Variants in NUAK1 observed in about 807,000 individuals in gnomAD.
The protein encoded by NUAK1 is NUAK family SNF1-like kinase 1.
In NUAK1, 26 loss-of-function variants were observed where a neutral mutation model predicts 56.9. The observed-to-expected ratio is 0.46, with a 90% CI of 0.33 to 0.63. The LOEUF is 0.63. Ranked by LOEUF, NUAK1 falls within the 30% of genes least tolerant of loss-of-function variation. NUAK1 has a pLI of 0.02. For missense variants in NUAK1, 727 were observed against 876.1 expected, an observed-to-expected ratio of 0.83 and a Z score of 2.15; for synonymous variants, 337 against 336.0, an observed-to-expected ratio of 1.00 and a Z score of -0.03.
intron 1 of NUAK1, among the ~76,000 whole-genome samples, chr12:106,124,144 T>C (rs2033004084): frequency 6.6e-6 from 1 of 152,180 alleles, no homozygotes; most frequent in African/African-American, 2.4e-5. Flanking sequence ...TTGTTTTGTT[T>C]TCTCTGCGGT....
intron 2 of NUAK1, among the ~76,000 whole-genome samples, chr12:106,092,954 T>C (rs115872987): frequency 6.0e-4 from 91 of 152,398 alleles, no homozygotes; most frequent in African/African-American, 2.0e-3. Context: ...ATCAGCCGAT[T>C]TGAGGCATTT....
At chr12:106,108,833 C>A (rs1412881880) in intron 1 of NUAK1, among the ~76,000 whole-genome samples, 1 of 152,178 alleles carries the variant, frequency 6.6e-6, no homozygotes, top group African/African-American at 2.4e-5. Flanking sequence ...CTTGCTGATT[C>A]CCCCTAACAG....
At chr12:106,068,865 C>T (rs1409057354) in intron 6 of NUAK1, among the ~76,000 whole-genome samples, 13 of 152,218 alleles carry the variant, frequency 8.5e-5, no homozygotes, top group Non-Finnish European at 1.9e-4. Flanking sequence ...CTGGCAAAGG[C>T]CTGGTAATAG....
At chr12:106,096,700 A>C (rs971403366) in intron 2 of NUAK1, among the ~76,000 whole-genome samples, 1 of 152,224 alleles carries the variant, frequency 6.6e-6, no homozygotes, top group Non-Finnish European at 1.5e-5. Context: ...AGTAAACCCA[A>C]GCCCGAAGGT....
At chr12:106,096,902 T>A (rs1382557118) in intron 2 of NUAK1, among the ~76,000 whole-genome samples, 1 of 152,180 alleles carries the variant, frequency 6.6e-6, no homozygotes, top group Non-Finnish European at 1.5e-5. Flanking sequence ...GCATCAGCAT[T>A]TTTTACAAAC....
In NUAK1 at chr12:106,130,313, C is replaced by T. The variant is rs116468472; in HGVS notation, c.240+8101G>A. 9.5e-3 allele frequency among the ~76,000 whole-genome samples: 1,441 copies of T among 152,270 alleles called. 21 individuals are homozygous for T. The highest frequency in any genetic ancestry group is 0.033 in the African/African-American group (1,377 of 41,552). On this transcript the variant is annotated intron_variant, in intron 1 of 6. Transcript: ENST00000261402. ...CCTCATTTCTATACTCAGATTATTG[C>T]ATTGTTCTCAGATTATTCCAGATGT...
At position 106,119,623 on chromosome 12, in the gene NUAK1, T is replaced by G. The variant is rs1443361511; in HGVS notation, c.241-13098A>C. 3.3e-5 allele frequency among the ~76,000 whole-genome samples: 5 copies of G among 152,172 alleles called. No individual in the cohort carries two copies. In the East Asian group the frequency reaches 9.6e-4, roughly 29 times the overall value. On this transcript the variant is annotated intron_variant, in intron 1 of 6. Coordinates refer to ENST00000261402, the MANE Select transcript of NUAK1 (RefSeq NM_014840.3). ...AGAAGCAAGACATGACAACTCACTT[T>G]CCCCTTAATCTTTAACTTTTCTGTA...
At chr12:106,122,301 C>T (rs2032985781) in intron 1 of NUAK1, among the ~76,000 whole-genome samples, 2 of 152,174 alleles carry the variant, frequency 1.3e-5, no homozygotes, top group Non-Finnish European at 2.9e-5. Context: ...TGCCCCAAGT[C>T]CAGTGGCCAT....
intron 4 of NUAK1, among the ~76,000 whole-genome samples, chr12:106,080,833 T>TTAGTGGC (rs1397027733): frequency 2.6e-5 from 4 of 152,184 alleles, no homozygotes; most frequent in African/African-American, 9.7e-5. Context: ...GTCCCGCTGG[T>TTAGTGGC]TCGTGGCTCG....
intron 1 of NUAK1, among the ~76,000 whole-genome samples, chr12:106,117,641 T>C (rs2032930871): frequency 6.6e-6 from 1 of 152,236 alleles, no homozygotes; most frequent in South Asian, 2.1e-4. Context: ...CAAATTATTG[T>C]GGAGCTTCAT....
chr12:106,127,360 A>T (rs117660587), intron 1 of NUAK1, among the ~76,000 whole-genome samples: 91 of 152,190 alleles, frequency 6.0e-4, no homozygotes, highest in Non-Finnish European at 1.1e-3. Context: ...GAGATGAGGG[A>T]GTCTCACTGT....
intron 1 of NUAK1, among the ~76,000 whole-genome samples, chr12:106,135,098 G>A (rs960610729): frequency 9.9e-5 from 15 of 152,192 alleles, no homozygotes; most frequent in African/African-American, 3.4e-4. Flanking sequence ...GTTCTCACAA[G>A]TCTATGAAGT....
At chr12:106,109,168 T>TC (rs1313792495) in intron 1 of NUAK1, among the ~76,000 whole-genome samples, 3 of 152,186 alleles carry the variant, frequency 2.0e-5, no homozygotes, top group African/African-American at 7.2e-5. Flanking sequence ...TCAGCTCTAC[T>TC]CCCAGAGTGG....
chr12:106,128,128 C>CT (rs199595148), intron 1 of NUAK1, among the ~76,000 whole-genome samples: 7,422 of 136,080 alleles, frequency 0.055, 710 homozygotes, highest in African/African-American at 0.17. Flanking sequence ...TCTCTCTTTT[C>CT]TTTTTCTTTT....
chr12:106,093,801 GGTTT>G (rs1240794206), intron 2 of NUAK1, among the ~76,000 whole-genome samples: 2 of 152,126 alleles, frequency 1.3e-5, no homozygotes, highest in Non-Finnish European at 2.9e-5. Context: ...TGAGTTTTTT[GGTTT>G]GTTTGTTTGT....
intron 1 of NUAK1, among the ~76,000 whole-genome samples, chr12:106,134,271 C>T (rs2033107581): frequency 6.6e-6 from 1 of 152,264 alleles, no homozygotes; most frequent in African/African-American, 2.4e-5. Flanking sequence ...TGCCACCGTG[C>T]ATGTGACGTC....
intron 4 of NUAK1, among the ~76,000 whole-genome samples, chr12:106,077,395 T>A (rs997491306): frequency 3.3e-5 from 5 of 152,182 alleles, no homozygotes; most frequent in African/African-American, 1.2e-4. Context: ...CGCTATAAAT[T>A]ACAGCCATTA....
chr12:106,119,263 A>G (rs1295983163), intron 1 of NUAK1, among the ~76,000 whole-genome samples: 1 of 152,190 alleles, frequency 6.6e-6, no homozygotes, highest in Non-Finnish European at 1.5e-5. Flanking sequence ...AAAATAGAAA[A>G]TACACTTGAC....
intron 2 of NUAK1, among the ~76,000 whole-genome samples, chr12:106,095,194 A>G (rs901215544): frequency 1.3e-5 from 2 of 152,048 alleles, no homozygotes; most frequent in Non-Finnish European, 2.9e-5. Flanking sequence ...CACTCACACA[A>G]TCCTGAATGT....
Sources: gnomAD v4.1 joint callset for allele counts (sites outside exome capture counted in the v4.1 genomes callset) on GRCh38, gnomAD v4.1.1 for gene constraint, MANE v1.5 for transcripts, NCBI Gene and HGNC (gene_info 2026-07-23, HGNC 2026-07-21) for gene names.